The following ARHGEF12 variants were observed in gnomAD, a reference collection of about 807,000 sequenced individuals.
ARHGEF12 encodes Rho guanine nucleotide exchange factor 12, also known as KMT2A/ARHGEF12 fusion protein.
ARHGEF12 carries 66 observed loss-of-function variants against 211.2 expected under a neutral mutation model. The ratio of observed to expected loss-of-function variants is 0.31; its 90% CI spans 0.26 to 0.38. The LOEUF is 0.38. ARHGEF12 is among the 10% of genes least tolerant of loss of function. ARHGEF12 has a pLI of 1.00. For synonymous variants in ARHGEF12, 592 were observed against 638.4 expected (o/e 0.93, Z 1.09); for missense variants, 1,429 against 1,869.5 (o/e 0.76, Z 4.34).
At position 120,477,537 on chromosome 11, in the gene ARHGEF12, C is replaced by T. The variant is rs1236116549; in HGVS notation, c.3532+11C>T. 1 of 1,607,076 alleles carries T rather than the reference C, an allele frequency of 6.2e-7. No homozygotes were observed. Among genetic ancestry groups the T allele is most frequent in the Admixed American group, 1.7e-5 (1 of 59,436 alleles). On this transcript the variant is annotated intron_variant, in intron 36 of 40. Coordinates refer to ENST00000397843, the MANE Select transcript of ARHGEF12 (RefSeq NM_015313.3). ...GTTTGCAGAGTCCAGGTACACTCTT[C>T]TGAAGAGTTCAATGGAGAATGTGCT...
chr11:120,457,303 T>C, intron 23 of ARHGEF12, 53 bp downstream of exon 23: 2 of 1,592,168 alleles, frequency 1.3e-6, no homozygotes, highest in Non-Finnish European at 1.7e-6. Flanking sequence ...AGTTTTTAAA[T>C]TATATGCTAT....
intron 10 of ARHGEF12, among the ~76,000 whole-genome samples, chr11:120,430,882 T>C (rs569470452): frequency 1.3e-5 from 2 of 152,312 alleles, no homozygotes; most frequent in African/African-American, 4.8e-5. Context: ...TTTCATTACC[T>C]TCAGTCCCAG....
intron 1 of ARHGEF12, among the ~76,000 whole-genome samples, chr11:120,364,181 G>T (rs184517254): frequency 4.7e-4 from 72 of 152,132 alleles, no homozygotes; most frequent in Admixed American, 1.4e-3. Flanking sequence ...CTAAATAAGG[G>T]TTATGGTGCT....
chr11:120,405,394 A>AAAGAG (rs1944669226), intron 1 of ARHGEF12, among the ~76,000 whole-genome samples: 1 of 152,040 alleles, frequency 6.6e-6, no homozygotes, highest in South Asian at 2.1e-4. Context: ...TATTCATTTA[A>AAAGAG]AAGAGAGAGA....
At chr11:120,344,507 C>T (rs1041581434) in intron 1 of ARHGEF12, among the ~76,000 whole-genome samples, 1 of 151,984 alleles carries the variant, frequency 6.6e-6, no homozygotes, top group Admixed American at 6.6e-5. Context: ...TGTGGTTTGC[C>T]CAGTACAGTC....
chr11:120,374,184 T>C (rs937780176), intron 1 of ARHGEF12, among the ~76,000 whole-genome samples: 4 of 152,242 alleles, frequency 2.6e-5, no homozygotes, highest in African/African-American at 9.6e-5. Flanking sequence ...TGGTTCCTCC[T>C]GTTTCCTTTC....
Position 120,428,247 on chromosome 11 carries a change from G to A in ARHGEF12, c.585G>A (p.Gly195=). 6.4e-7 allele frequency: 1 copy of A among 1,559,466 alleles called. No homozygotes were observed. Among genetic ancestry groups the A allele is most frequent in the South Asian group, 1.3e-5 (1 of 78,952 alleles). ...GAATCACTAGTCCTGTGCTCATGGG[G>A]GTAAGAATGGGGAAATTTCTTAGTT... ...MERITSPVLM[G]EENNVVHNQK... The change falls in exon 8 of 41, where the codon GGG becomes GGA. Residue 195 remains glycine, a splice_region_variant and synonymous_variant. Coordinates refer to ENST00000397843, the MANE Select transcript of ARHGEF12 (RefSeq NM_015313.3).
At chr11:120,356,312 C>T (rs1943128733) in intron 1 of ARHGEF12, among the ~76,000 whole-genome samples, 1 of 152,236 alleles carries the variant, frequency 6.6e-6, no homozygotes, top group Non-Finnish European at 1.5e-5. Flanking sequence ...TCTCTGCCTC[C>T]TGGGTTCAAG....
intron 3 of ARHGEF12, 99 bp downstream of exon 3, chr11:120,407,922 C>G (rs1944760908): frequency 4.8e-6 from 5 of 1,034,782 alleles, no homozygotes; most frequent in Non-Finnish European, 7.3e-6. Flanking sequence ...GTTGTTTGAT[C>G]TGTTTTAGGA....
chr11:120,340,592 TA>T (rs1430888879), intron 1 of ARHGEF12, among the ~76,000 whole-genome samples: 1 of 152,158 alleles, frequency 6.6e-6, no homozygotes, highest in African/African-American at 2.4e-5. Flanking sequence ...AAAATTGCTG[TA>T]TAATGGTTTT....
intron 4 of ARHGEF12, among the ~76,000 whole-genome samples, chr11:120,418,961 ATTTTCTTTTTCT>A (rs1016513987): frequency 1.3e-4 from 20 of 150,350 alleles, no homozygotes; most frequent in African/African-American, 4.6e-4. Context: ...TTGCCTTTTC[ATTTTCTTTTTCT>A]TTTTCTTTCT....
chr11:120,380,856 T>G (rs1271735881), intron 1 of ARHGEF12, among the ~76,000 whole-genome samples: 1 of 152,230 alleles, frequency 6.6e-6, no homozygotes, highest in Non-Finnish European at 1.5e-5. Flanking sequence ...TGTATGTTTA[T>G]TTTATACTTT....
intron 23 of ARHGEF12, 117 bp downstream of exon 23, chr11:120,457,367 A>G (rs1591617667): frequency 8.2e-7 from 1 of 1,218,324 alleles, no homozygotes; most frequent in Non-Finnish European, 1.1e-6. Flanking sequence ...GTATGTACCT[A>G]TAATGCCAGC....
chr11:120,395,871 C>T (rs1944367216), intron 1 of ARHGEF12, among the ~76,000 whole-genome samples: 1 of 152,076 alleles, frequency 6.6e-6, no homozygotes, highest in East Asian at 1.9e-4. Flanking sequence ...CAAACCATAT[C>T]ATGTGTATGT....
At chr11:120,446,889 C>T in intron 17 of ARHGEF12, 59 bp from the exon 18 acceptor site, 1 of 1,571,894 alleles carries the variant, frequency 6.4e-7, no homozygotes, top group South Asian at 1.2e-5. Context: ...GATGAAGCGT[C>T]CCCAGAATGA....
chr11:120,369,099 A>G (rs116850963), intron 1 of ARHGEF12, among the ~76,000 whole-genome samples: 2,671 of 149,242 alleles, frequency 0.018, 38 homozygotes, highest in Non-Finnish European at 0.029. Context: ...TGACTAAAGT[A>G]CTATATTCTC....
At chr11:120,436,427 C>G (rs974805072) in intron 11 of ARHGEF12, among the ~76,000 whole-genome samples, 3 of 152,040 alleles carry the variant, frequency 2.0e-5, no homozygotes, top group Non-Finnish European at 4.4e-5. Flanking sequence ...CTCGTTAGGT[C>G]TCTGGTTCCT....
chr11:120,415,089 T>TA (rs1944991067), intron 4 of ARHGEF12, among the ~76,000 whole-genome samples: 1 of 152,182 alleles, frequency 6.6e-6, no homozygotes, highest in Non-Finnish European at 1.5e-5. Context: ...TACCAGATGA[T>TA]AAAGGATTTA....
chr11:120,397,184 C>T (rs1299905496), intron 1 of ARHGEF12, among the ~76,000 whole-genome samples: 1 of 152,220 alleles, frequency 6.6e-6, no homozygotes, highest in Non-Finnish European at 1.5e-5. Flanking sequence ...GAGAGTCTCT[C>T]TCACCGATTT....
Sources: gnomAD v4.1 joint callset for allele counts (sites outside exome capture counted in the v4.1 genomes callset) on GRCh38, gnomAD v4.1.1 for gene constraint, MANE v1.5 for transcripts, NCBI Gene and HGNC (gene_info 2026-07-23, HGNC 2026-07-21) for gene names.